GABRB1: variants seen among roughly 807,000 people sequenced by gnomAD.
GABRB1 encodes gamma-aminobutyric acid type A receptor subunit beta1, also known as gamma-aminobutyric acid receptor subunit beta-1.
In GABRB1, 17 loss-of-function variants were observed where a neutral mutation model predicts 51.6. That is an observed-to-expected ratio of 0.33 (90% CI 0.23 to 0.49). GABRB1 has a LOEUF of 0.49. GABRB1 is among the 20% of genes least tolerant of loss of function. The probability of loss-of-function intolerance (pLI) is 0.99; values close to 1 mark genes in which losing one functional copy is unlikely to be tolerated. For missense variants in GABRB1, 410 were observed against 600.6 expected (o/e 0.68, Z 3.32); for synonymous variants, 247 against 218.9 (o/e 1.13, Z -1.14).
In GABRB1 at chr4:47,021,551, T is replaced by A. The variant is rs187415669; in HGVS notation, c.-19-10363T>A. ...CGGATCCTCTGCAGGTATGTTTATCTTCAATAATGTGCGGTCTTCTCTTGA... is the reference window on the plus strand; with the variant it reads ...CGGATCCTCTGCAGGTATGTTTATCATCAATAATGTGCGGTCTTCTCTTGA... On this transcript the variant is annotated intron_variant, in intron 1 of 3. Transcript: ENST00000513567. 1.0e-3 allele frequency among the ~76,000 whole-genome samples: 159 copies of A among 152,242 alleles called. 1 individual carries two copies. The highest frequency in any genetic ancestry group is 3.3e-3 in the African/African-American group (137 of 41,570).
chr4:47,043,761 G>T (rs889496461), intron 3 of GABRB1, among the ~76,000 whole-genome samples: 2 of 152,052 alleles, frequency 1.3e-5, no homozygotes, highest in African/African-American at 4.8e-5. Context: ...GCAGAAGGGG[G>T]TTTCAGAATA....
intron 3 of GABRB1, among the ~76,000 whole-genome samples, chr4:47,140,974 T>C (rs1037809266): frequency 6.6e-6 from 1 of 152,018 alleles, no homozygotes; most frequent in Non-Finnish European, 1.5e-5. Flanking sequence ...GTGAGAAAGA[T>C]ATTTAAAATA....
At chr4:47,109,492 T>C (rs1311716060) in intron 3 of GABRB1, among the ~76,000 whole-genome samples, 1 of 152,116 alleles carries the variant, frequency 6.6e-6, no homozygotes, top group Non-Finnish European at 1.5e-5. Context: ...GGATTGGAGA[T>C]GGACCATGAG....
At chr4:47,420,600 G>A (rs1401003801) in intron 8 of GABRB1, among the ~76,000 whole-genome samples, 7 of 152,090 alleles carry the variant, frequency 4.6e-5, no homozygotes, top group Non-Finnish European at 8.8e-5. Flanking sequence ...TATTAATTAG[G>A]CAGCATTTGG....
chr4:47,298,019 G>A (rs917628811), intron 4 of GABRB1, among the ~76,000 whole-genome samples: 9 of 152,114 alleles, frequency 5.9e-5, no homozygotes, highest in Non-Finnish European at 1.2e-4. Flanking sequence ...ATGCAGAAAA[G>A]GCCTTTGACA....
At chr4:47,245,404 T>A (rs1330349634) in intron 4 of GABRB1, among the ~76,000 whole-genome samples, 5 of 152,162 alleles carry the variant, frequency 3.3e-5, no homozygotes, top group Non-Finnish European at 7.3e-5. Context: ...GATACCAATG[T>A]TCAATTATTC....
chr4:47,375,038 C>T (rs1039850052), intron 5 of GABRB1, among the ~76,000 whole-genome samples: 5 of 152,192 alleles, frequency 3.3e-5, no homozygotes, highest in African/African-American at 1.2e-4. Context: ...AATATTTTAG[C>T]GATGTGCATT....
At chr4:47,190,016 C>A (rs1404822657) in intron 4 of GABRB1, among the ~76,000 whole-genome samples, 1 of 151,950 alleles carries the variant, frequency 6.6e-6, no homozygotes, top group Non-Finnish European at 1.5e-5. Context: ...TTGGAAACTG[C>A]AGAGAAACAA....
At position 47,131,165 on chromosome 4, in the gene GABRB1, A is replaced by AT. The variant is rs1432111315; in HGVS notation, c.241-30070dup. Among the ~76,000 whole-genome samples, 354 of 146,254 alleles carry AT rather than the reference A, an allele frequency of 2.4e-3. 2 individuals are homozygous for AT. Among genetic ancestry groups the AT allele is most frequent in the African/African-American group, 6.3e-3 (253 of 40,074 alleles). ...AGTCCAAACTTTCTTCTTCTGGAGA[A>AT]TTTTTTTTTTTTTTAACAGAAGCTT... On this transcript the variant is annotated intron_variant, in intron 3 of 8. Transcript: ENST00000295454.
chr4:47,056,858 A>G (rs1318407949), intron 3 of GABRB1, among the ~76,000 whole-genome samples: 1 of 152,228 alleles, frequency 6.6e-6, no homozygotes, highest in African/African-American at 2.4e-5. Context: ...CTGTACTCCC[A>G]GCACTTTGGG....
At chr4:47,121,716 T>C (rs1715784559) in intron 3 of GABRB1, among the ~76,000 whole-genome samples, 2 of 152,218 alleles carry the variant, frequency 1.3e-5, no homozygotes, top group Admixed American at 1.3e-4. Context: ...AGAATGAATA[T>C]GCAAACTAAT....
chr4:47,114,954 C>T (rs1245796115), intron 3 of GABRB1, among the ~76,000 whole-genome samples: 4 of 152,172 alleles, frequency 2.6e-5, no homozygotes, highest in Non-Finnish European at 5.9e-5. Flanking sequence ...CCTTCTTTCC[C>T]TACTAGAACT....
chr4:47,296,105 G>A (rs1222917534), intron 4 of GABRB1, among the ~76,000 whole-genome samples: 1 of 152,118 alleles, frequency 6.6e-6, no homozygotes, highest in Non-Finnish European at 1.5e-5. Flanking sequence ...GCTCCTGAAG[G>A]AAGCACTAAA....
chr4:47,090,920 G>C (rs1005364674), intron 3 of GABRB1, among the ~76,000 whole-genome samples: 5 of 152,076 alleles, frequency 3.3e-5, no homozygotes, highest in African/African-American at 1.2e-4. Context: ...TCCATACAAT[G>C]TCCATCATCT....
At chr4:47,016,314 T>C (rs1724741020) in intron 1 of GABRB1, among the ~76,000 whole-genome samples, 1 of 152,178 alleles carries the variant, frequency 6.6e-6, no homozygotes, top group Non-Finnish European at 1.5e-5. Flanking sequence ...AAAGTCATAT[T>C]CTCAACTACT....
chr4:47,329,904 A>G (rs1428303094), intron 5 of GABRB1, among the ~76,000 whole-genome samples: 1 of 152,056 alleles, frequency 6.6e-6, no homozygotes, highest in East Asian at 1.9e-4. Flanking sequence ...GAATTGGCTC[A>G]CGCAATTATG....
At chr4:47,356,101 T>A (rs1469509255) in intron 5 of GABRB1, among the ~76,000 whole-genome samples, 2 of 152,186 alleles carry the variant, frequency 1.3e-5, no homozygotes, top group Non-Finnish European at 2.9e-5. Context: ...GTTGAATGAA[T>A]TAATTGGATG....
chr4:47,264,678 A>T (rs1228539143), intron 4 of GABRB1, among the ~76,000 whole-genome samples: 6 of 152,222 alleles, frequency 3.9e-5, no homozygotes, highest in African/African-American at 1.4e-4. Flanking sequence ...TTAATAAGTG[A>T]TACATTTAAA....
intron 3 of GABRB1, among the ~76,000 whole-genome samples, chr4:47,065,516 C>G (rs1198624990): frequency 6.6e-6 from 1 of 152,210 alleles, no homozygotes; most frequent in Non-Finnish European, 1.5e-5. Flanking sequence ...GTGCAAAGAA[C>G]TTTAAGCCAA....
Sources: allele counts gnomAD v4.1 joint callset (sites outside exome capture counted in the v4.1 genomes callset), GRCh38; gene constraint gnomAD v4.1.1; transcripts MANE v1.5; gene names NCBI Gene and HGNC (gene_info 2026-07-23, HGNC 2026-07-21).